TBC1D4: variants seen among roughly 807,000 people sequenced by gnomAD.
TBC1D4 encodes TBC (Tre-2, BUB2, CDC16) domain-containing protein.
Under a neutral mutation model 142.5 loss-of-function variants are expected in TBC1D4, and 121 were observed. That is an observed-to-expected ratio of 0.85 (90% confidence interval 0.73 to 0.99). The LOEUF (loss-of-function observed/expected upper bound fraction) is 0.99. Among genes scored for constraint, TBC1D4 ranks in the 50% least tolerant of loss-of-function variants. The pLI, the probability that TBC1D4 is intolerant of heterozygous loss-of-function variation, is 0.00. For missense variants in TBC1D4, 1,475 were observed against 1,606.6 expected (o/e 0.92, Z 1.40); for synonymous variants, 630 against 628.2 (o/e 1.00, Z -0.04).
intron 1 of TBC1D4, among the ~76,000 whole-genome samples, chr13:75,449,587 G>GT (rs756670676): frequency 0.014 from 1,864 of 137,884 alleles, 28 homozygotes; most frequent in African/African-American, 0.032. Flanking sequence ...AACATACATA[G>GT]TTTTTTTTTT....
chr13:75,425,865 G>A (rs1490595864), intron 1 of TBC1D4, among the ~76,000 whole-genome samples: 1 of 152,062 alleles, frequency 6.6e-6, no homozygotes, highest in Non-Finnish European at 1.5e-5. Flanking sequence ...TTAGATAGGA[G>A]GAACATGTTC....
intron 1 of TBC1D4, among the ~76,000 whole-genome samples, chr13:75,442,924 A>T (rs1887108446): frequency 6.6e-6 from 1 of 152,218 alleles, no homozygotes; most frequent in African/African-American, 2.4e-5. Flanking sequence ...CCTAGTCTAT[A>T]CTAAAAACAG....
At chr13:75,314,172 T>C (rs1270236073) in intron 12 of TBC1D4, among the ~76,000 whole-genome samples, 1 of 152,228 alleles carries the variant, frequency 6.6e-6, no homozygotes, top group Non-Finnish European at 1.5e-5. Context: ...CAATAATTGT[T>C]GCTGTTAGTG....
intron 20 of TBC1D4, among the ~76,000 whole-genome samples, chr13:75,287,272 T>C (rs367840415): frequency 6.6e-6 from 1 of 152,146 alleles, no homozygotes. Flanking sequence ...TCACCAACAG[T>C]AGGAATCCTT....
rs1429110054 is a variant in TBC1D4 at position 75,362,405 on chromosome 13, T to C, written c.701A>G (p.Gln234Arg). The change falls in exon 2 of 21, where the codon CAG (glutamine) becomes CGG (arginine). Residue 234 changes from glutamine to arginine, a missense_variant. Physicochemically the swap from Gln to Arg is conservative, Grantham distance 43 (BLOSUM62 1). This residue lies in a region of TBC1D4 where 1,227 missense variants were observed against 1,267.7 expected (regional missense o/e 0.97). Coordinates refer to ENST00000377636, the MANE Select transcript of TBC1D4 (RefSeq NM_014832.5). This position sits in a 1 kb window ranked among gnomAD's most constrained non-coding sequence, Gnocchi z 4.2. ...CTCCCCTTGGATCTTCAGGCGCTGC[T>C]GTTCGTGCAGGCTGAACTTCTCCAT... is the stretch of plus-strand genomic sequence containing the variant. ...DCMEKFSLHE[Q>R]QRLKIQGEQR... 1.2e-6 allele frequency: 2 copies of C among 1,614,242 alleles called. No homozygotes were observed. The highest frequency in any genetic ancestry group is 1.7e-6 in the Non-Finnish European group (2 of 1,180,046).
At chr13:75,427,048 G>A (rs956139653) in intron 1 of TBC1D4, among the ~76,000 whole-genome samples, 1 of 151,386 alleles carries the variant, frequency 6.6e-6, no homozygotes, top group Non-Finnish European at 1.5e-5. Context: ...TGTCTCAGAA[G>A]AAAAAGAAAA....
At chr13:75,341,003 G>C (rs1461230058) in intron 7 of TBC1D4, 122 bp downstream of exon 7, 2 of 820,212 alleles carry the variant, frequency 2.4e-6, no homozygotes, top group East Asian at 5.1e-5. Context: ...GGGGGAGTGA[G>C]GGGGTAGTTC....
rs760122567 is a variant in TBC1D4, at chr13:75,324,397, G to T, written c.2038C>A (p.Leu680Ile). ...RQSSSEQCSN[L>I]SSVRRMYKES... is the part of the protein sequence containing the mutation. Reference sequence around the variant, plus strand: ...TTGTACATGCGTCGAACTGACGAAAGATTGCTGAGTACAGAAAATACAGCA... The same window carrying T: ...TTGTACATGCGTCGAACTGACGAAATATTGCTGAGTACAGAAAATACAGCA... The change falls in exon 11 of 21, where the codon CTT (leucine) becomes ATT (isoleucine). Residue 680 changes from leucine to isoleucine, a missense_variant. Physicochemically the swap from Leu to Ile is conservative, Grantham distance 5 (BLOSUM62 2). This residue lies in a region of TBC1D4 where 1,227 missense variants were observed against 1,267.7 expected (regional missense o/e 0.97). Coordinates refer to ENST00000377636, the MANE Select transcript of TBC1D4 (RefSeq NM_014832.5). 2 of 1,613,902 alleles carry T rather than the reference G, an allele frequency of 1.2e-6. No homozygotes were observed. The highest frequency in any genetic ancestry group is 1.7e-6 in the Non-Finnish European group (2 of 1,179,838).
intron 17 of TBC1D4, among the ~76,000 whole-genome samples, chr13:75,295,363 T>C (rs992928431): frequency 2.0e-5 from 3 of 152,186 alleles, no homozygotes; most frequent in Non-Finnish European, 4.4e-5. Flanking sequence ...AAATCCCTTC[T>C]AATTTCAGAC....
chr13:75,401,180 T>G (rs1033919446), intron 1 of TBC1D4, among the ~76,000 whole-genome samples: 1 of 152,160 alleles, frequency 6.6e-6, no homozygotes, highest in Non-Finnish European at 1.5e-5. Context: ...TTCTACATAC[T>G]CCCCTTCTCC....
At chr13:75,442,547 G>A (rs937745839) in intron 1 of TBC1D4, among the ~76,000 whole-genome samples, 2 of 152,022 alleles carry the variant, frequency 1.3e-5, no homozygotes, top group Admixed American at 6.5e-5. Flanking sequence ...CTGGGAGGCC[G>A]AGGCAGGCAG....
chr13:75,446,108 A>G (rs1887273428), intron 1 of TBC1D4, among the ~76,000 whole-genome samples: 1 of 152,220 alleles, frequency 6.6e-6, no homozygotes, highest in Admixed American at 6.5e-5. Context: ...GGGGAGACAG[A>G]CAGTTCACAT....
At chr13:75,353,810 G>GT (rs1372919197) in intron 4 of TBC1D4, among the ~76,000 whole-genome samples, 1 of 152,176 alleles carries the variant, frequency 6.6e-6, no homozygotes, top group East Asian at 1.9e-4. Flanking sequence ...TCCTTGCTTA[G>GT]TAACAGGCAG....
chr13:75,393,389 G>A (rs1009102049), intron 1 of TBC1D4, among the ~76,000 whole-genome samples: 14 of 152,084 alleles, frequency 9.2e-5, no homozygotes, highest in African/African-American at 2.7e-4. Flanking sequence ...AATAAAAATT[G>A]TATGGGACAT....
At chr13:75,296,085 A>T (rs1436285273) in intron 17 of TBC1D4, among the ~76,000 whole-genome samples, 1 of 152,182 alleles carries the variant, frequency 6.6e-6, no homozygotes. Flanking sequence ...TTGTTTGTTC[A>T]ATCCTTATCC....
chr13:75,439,957 C>G (rs1010401965), intron 1 of TBC1D4, among the ~76,000 whole-genome samples: 1 of 152,106 alleles, frequency 6.6e-6, no homozygotes, highest in Admixed American at 6.5e-5. Context: ...TAACATCTGA[C>G]TATAAACAGT....
chr13:75,345,072 C>G (rs1048262463), intron 5 of TBC1D4, among the ~76,000 whole-genome samples: 2 of 152,202 alleles, frequency 1.3e-5, no homozygotes, highest in African/African-American at 4.8e-5. Flanking sequence ...CCTTTGGATA[C>G]TCTCTTAGAG....
At position 75,481,483 on chromosome 13, in the gene TBC1D4, G is replaced by A. The variant is rs1343653540; in HGVS notation, c.285C>T (p.Pro95=). ...CCCCCGAGGCCCCAGCGCCCGGCGC[G>A]GGGACGCAACGCAGGAAGGGCGCGC... ...VLSAPFLRCV[P]APGAGASGGT... The change falls in exon 1 of 21, where the codon CCC becomes CCT. Residue 95 remains proline (P), a synonymous_variant. Transcript: ENST00000377636. The A allele has an allele frequency of 5.3e-5, 85 of 1,612,998 alleles. No individual in the cohort carries two copies. Among genetic ancestry groups the A allele is most frequent in the Non-Finnish European group, 6.7e-5 (79 of 1,179,496 alleles).
At chr13:75,313,782 C>G (rs1410806957) in intron 12 of TBC1D4, among the ~76,000 whole-genome samples, 1 of 152,178 alleles carries the variant, frequency 6.6e-6, no homozygotes, top group Admixed American at 6.5e-5. Flanking sequence ...TGTCTCAGCT[C>G]CCAAAGTGCT....
Sources: gnomAD v4.1 joint callset for allele counts (sites outside exome capture counted in the v4.1 genomes callset) on GRCh38, gnomAD v4.1.1 for gene constraint, gnomAD v4.1.1 regional missense constraint, Gnocchi (gnomAD v3.1) non-coding constraint, MANE v1.5 for transcripts, NCBI Gene and HGNC (gene_info 2026-07-23, HGNC 2026-07-21) for gene names.